HSF5: variants seen among roughly 807,000 people sequenced by gnomAD.
HSF5 encodes the protein heat shock transcription factor 5.
Under a neutral mutation model 50.8 loss-of-function variants are expected in HSF5, and 5 were observed. The observed-to-expected ratio is 0.10, with a 90% CI of 0.05 to 0.21. HSF5 has a LOEUF of 0.21. Among genes scored for constraint, HSF5 ranks in the 10% least tolerant of loss-of-function variants. HSF5 has a pLI of 1.00. For synonymous variants in HSF5, 307 were observed against 307.4 expected (o/e 1.00, Z 0.02); for missense variants, 564 against 762.6 (o/e 0.74, Z 3.07).
chr17:58,482,646 G>A (rs963924440), intron 1 of HSF5, among the ~76,000 whole-genome samples: 1 of 137,618 alleles, frequency 7.3e-6, no homozygotes, highest in African/African-American at 2.7e-5. Context: ...GGAGGTGGAG[G>A]TTGCAGTGGG....
At chr17:58,464,698 T>A (rs979524280) in intron 3 of HSF5, among the ~76,000 whole-genome samples, 4 of 152,236 alleles carry the variant, frequency 2.6e-5, no homozygotes, top group African/African-American at 9.6e-5. Flanking sequence ...GATGGCACGA[T>A]CTTGGCTCAC....
intron 1 of HSF5, among the ~76,000 whole-genome samples, chr17:58,482,767 G>C (rs1450536555): frequency 3.7e-5 from 4 of 108,776 alleles, no homozygotes; most frequent in African/African-American, 7.0e-5. Context: ...AAAAAGGTGA[G>C]ATCTTGTCTT....
chr17:58,457,338 C>A (rs1028402649), intron 5 of HSF5, among the ~76,000 whole-genome samples: 2 of 151,386 alleles, frequency 1.3e-5, no homozygotes, highest in Admixed American at 6.6e-5. Context: ...GTGGCTCATG[C>A]CTGTAATCCC....
intron 5 of HSF5, among the ~76,000 whole-genome samples, chr17:58,437,928 A>G (rs1408527671): frequency 2.6e-5 from 4 of 152,208 alleles, no homozygotes; most frequent in African/African-American, 9.6e-5. Flanking sequence ...GATTCCCAGG[A>G]GTAGAGTTCC....
At chr17:58,450,393 G>A (rs1332497268) in intron 5 of HSF5, among the ~76,000 whole-genome samples, 1 of 148,594 alleles carries the variant, frequency 6.7e-6, no homozygotes, top group Non-Finnish European at 1.5e-5. Context: ...TGAAGGGATG[G>A]AGAAGAATGT....
intron 4 of HSF5, among the ~76,000 whole-genome samples, chr17:58,462,186 T>C (rs1415225579): frequency 1.3e-5 from 2 of 152,344 alleles, no homozygotes; most frequent in East Asian, 3.9e-4. Context: ...TACTAATTAT[T>C]CAGAATTAAA....
intron 1 of HSF5, among the ~76,000 whole-genome samples, chr17:58,485,910 T>C (rs1301135716): frequency 8.2e-6 from 1 of 121,260 alleles, no homozygotes; most frequent in African/African-American, 3.2e-5. Flanking sequence ...CTACTAACAA[T>C]ACAAAAATTA....
chr17:58,439,742 C>T (rs1041478279), intron 5 of HSF5, among the ~76,000 whole-genome samples: 5 of 152,064 alleles, frequency 3.3e-5, no homozygotes, highest in Non-Finnish European at 7.4e-5. Context: ...CCTTGGCCTC[C>T]CAAAGTGCTG....
At chr17:58,469,987 A>G (rs1482970941) in intron 2 of HSF5, among the ~76,000 whole-genome samples, 1 of 152,232 alleles carries the variant, frequency 6.6e-6, no homozygotes, top group African/African-American at 2.4e-5. Flanking sequence ...TAGAATTAAA[A>G]TACTTAGAAT....
At chr17:58,455,550 G>A (rs1028342878) in intron 5 of HSF5, among the ~76,000 whole-genome samples, 6 of 152,004 alleles carry the variant, frequency 3.9e-5, no homozygotes, top group Non-Finnish European at 8.8e-5. Flanking sequence ...TACATAAAGA[G>A]AGAAAGTATT....
At position 58,488,256 on chromosome 17, in the gene HSF5, T is replaced by G. The variant is rs201841352; in HGVS notation, c.19A>C (p.Thr7Pro). The G allele has an allele frequency of 6.7e-7, 1 of 1,489,900 alleles. No individual in the cohort carries two copies. The allele number at this position is 1,489,900 out of a possible 1,614,324, so 92.3% of individuals were successfully genotyped here. The part of the protein sequence containing the change: MEALLS[T>P]PINPNNFPAK... Reference sequence around the variant, plus strand: ...GGGAAGTTGTTGGGGTTGATGGGGGTGGAGAGCAGCGCCTCCATCGCCCCG... The same window carrying G: ...GGGAAGTTGTTGGGGTTGATGGGGGGGGAGAGCAGCGCCTCCATCGCCCCG... Residue 7 changes from threonine to proline, a missense_variant, in exon 1 of 6, where the codon ACC becomes CCC. Coordinates refer to ENST00000323777, the MANE Select transcript of HSF5 (RefSeq NM_001080439.3). The surrounding 1 kb of genome is among the most constrained non-coding windows in gnomAD (Gnocchi z 4.1).
chr17:58,457,729 C>T (rs1031695308), intron 5 of HSF5, among the ~76,000 whole-genome samples: 2 of 152,164 alleles, frequency 1.3e-5, no homozygotes, highest in Non-Finnish European at 2.9e-5. Flanking sequence ...AAAATGGATA[C>T]GGTAAATGTT....
intron 2 of HSF5, among the ~76,000 whole-genome samples, chr17:58,468,116 A>G (rs2143790012): frequency 6.6e-6 from 1 of 152,316 alleles, no homozygotes; most frequent in East Asian, 1.9e-4. Context: ...ACCACAATAC[A>G]GCGAGGCATG....
At chr17:58,478,270 A>AAAATAAAT (rs147965552) in intron 2 of HSF5, among the ~76,000 whole-genome samples, 5 of 130,430 alleles carry the variant, frequency 3.8e-5, no homozygotes, top group Non-Finnish European at 7.9e-5. Flanking sequence ...TGTCTCTACT[A>AAAATAAAT]AAATAAATAA....
chr17:58,477,818 T>A (rs991412058), intron 2 of HSF5, among the ~76,000 whole-genome samples: 5 of 152,068 alleles, frequency 3.3e-5, no homozygotes, highest in African/African-American at 4.8e-5. Flanking sequence ...CTTTTTTTTT[T>A]AATATTTAAA....
At chr17:58,477,286 AT>A (rs1975029681) in intron 2 of HSF5, among the ~76,000 whole-genome samples, 1 of 150,864 alleles carries the variant, frequency 6.6e-6, no homozygotes, top group African/African-American at 2.4e-5. Context: ...TGCCTGGCTA[AT>A]TTTTGTATTT....
At chr17:58,451,581 G>A (rs1421814589) in intron 5 of HSF5, among the ~76,000 whole-genome samples, 4 of 152,054 alleles carry the variant, frequency 2.6e-5, no homozygotes, top group Non-Finnish European at 5.9e-5. Flanking sequence ...ATATGCTCAT[G>A]AACAACCAAT....
chr17:58,483,412 G>A (rs533557211), intron 1 of HSF5, among the ~76,000 whole-genome samples: 1 of 152,140 alleles, frequency 6.6e-6, no homozygotes, highest in South Asian at 2.1e-4. Context: ...TCTGTTAAGG[G>A]TTACTTCATA....
intron 4 of HSF5, among the ~76,000 whole-genome samples, chr17:58,460,043 G>C (rs777796557): frequency 3.9e-5 from 6 of 151,986 alleles, no homozygotes; most frequent in Non-Finnish European, 5.9e-5. Flanking sequence ...TTTCAGACAG[G>C]GTCTCATTCT....
Sources: gnomAD v4.1 joint callset for allele counts (sites outside exome capture counted in the v4.1 genomes callset) on GRCh38, gnomAD v4.1.1 for gene constraint, Gnocchi (gnomAD v3.1) non-coding constraint, MANE v1.5 for transcripts, NCBI Gene and HGNC (gene_info 2026-07-23, HGNC 2026-07-21) for gene names.